Variants in SLC25A27 observed in about 807,000 individuals in gnomAD.
SLC25A27 encodes the protein solute carrier family 25 member 27.
A neutral mutation model predicts 49.1 loss-of-function variants in SLC25A27; 35 were observed. That is an observed-to-expected ratio of 0.71 (90% confidence interval 0.54 to 0.95). The LOEUF (loss-of-function observed/expected upper bound fraction) is 0.95. SLC25A27 is among the 40% of genes least tolerant of loss of function. The probability of loss-of-function intolerance (pLI) is 0.00; values close to 1 mark genes in which losing one functional copy is unlikely to be tolerated. For missense variants in SLC25A27, 339 were observed against 397.1 expected, an observed-to-expected ratio of 0.85 and a Z score of 1.24; for synonymous variants, 144 against 136.9, an observed-to-expected ratio of 1.05 and a Z score of -0.36.
chr6:46,658,506 G>T (rs1763060276), intron 2 of SLC25A27: 1 of 449,426 alleles, frequency 2.2e-6, no homozygotes, highest in Admixed American at 2.4e-5. Context: ...TTTATTTAAT[G>T]AAAATGCCTG....
chr6:46,656,431 T>G (rs1246498166), intron 2 of SLC25A27, among the ~76,000 whole-genome samples: 1 of 151,904 alleles, frequency 6.6e-6, no homozygotes, highest in Non-Finnish European at 1.5e-5. Flanking sequence ...CTGCAACCTT[T>G]GTCTCCCGAG....
At chr6:46,655,697 A>G in intron 1 of SLC25A27, 146 bp from the exon 2 acceptor site, 1 of 686,924 alleles carries the variant, frequency 1.5e-6, no homozygotes, top group Non-Finnish European at 2.4e-6. Context: ...GGAAATTTCT[A>G]ATTTTTAAAA....
chr6:46,671,914 G>A (rs752179772), intron 8 of SLC25A27, among the ~76,000 whole-genome samples: 7 of 151,574 alleles, frequency 4.6e-5, no homozygotes, highest in Non-Finnish European at 7.4e-5. Flanking sequence ...TATAGGTTTA[G>A]AAATTCAAGC....
chr6:46,674,843 TAATC>T (rs1763704618), intron 8 of SLC25A27, among the ~76,000 whole-genome samples: 1 of 152,146 alleles, frequency 6.6e-6, no homozygotes, highest in Non-Finnish European at 1.5e-5. Flanking sequence ...TTTGTAAACT[TAATC>T]AACCCAAGAG....
At position 46,655,535 on chromosome 6, in the gene SLC25A27, G is replaced by GTTTTTTTTTTTTTTTTTTTTTTTTTTT. The variant is rs773585919; in HGVS notation, c.107-296_107-270dup. On this transcript the variant is annotated intron_variant, in intron 1 of 8. Coordinates refer to ENST00000371347, the MANE Select transcript of SLC25A27 (RefSeq NM_004277.5). ...ATTTTAATTTTTATTGTTAATGTTT[G>GTTTTTTTTTTTTTTTTTTTTTTTTTTT]TTTTTTTTTTTTTTTTTTTTTTTTT... Among the ~76,000 whole-genome samples, 16 of 10,730 alleles carry GTTTTTTTTTTTTTTTTTTTTTTTTTTT rather than the reference G, an allele frequency of 1.5e-3. 2 individuals are homozygous for GTTTTTTTTTTTTTTTTTTTTTTTTTTT. Among genetic ancestry groups the GTTTTTTTTTTTTTTTTTTTTTTTTTTT allele is most frequent in the East Asian group, 3.9e-3 (1 of 254 alleles). The allele number at this position is 10,730 out of a possible 152,430, so 7.0% of individuals were successfully genotyped here.
Position 46,653,306 on chromosome 6 carries a change from G to A in SLC25A27, c.106+8G>A, listed in dbSNP as rs1445745968. The A allele has an allele frequency of 6.2e-7, 1 of 1,609,114 alleles. No individual in the cohort carries two copies. Among genetic ancestry groups the A allele is most frequent in the Non-Finnish European group, 8.5e-7 (1 of 1,178,182 alleles). On this transcript the variant is annotated splice_region_variant and intron_variant, in intron 1 of 8. Coordinates refer to ENST00000371347, the MANE Select transcript of SLC25A27 (RefSeq NM_004277.5). The stretch of plus-strand genomic sequence containing the variant: ...CTACCGTGGCCGAGCTAGGTACCCG[G>A]CTGCCCACGCCTGGGCCTCCCGGGC...
intron 1 of SLC25A27, 121 bp downstream of exon 1, chr6:46,653,419 C>A: frequency 1.4e-6 from 2 of 1,435,552 alleles, no homozygotes; most frequent in East Asian, 5.2e-5. Context: ...TCCATGCCCG[C>A]CTGGCAGAGG....
rs1472661575 is a variant in SLC25A27 at position 46,670,160 on chromosome 6, A to C, written c.730A>C (p.Ile244Leu). The change falls in exon 7 of 9, where the codon ATT (isoleucine) becomes CTT (leucine). Residue 244 changes from isoleucine (I) to leucine (L), a missense_variant. Ile to Leu is a conservative substitution (Grantham distance 5). Coordinates refer to ENST00000371347, the MANE Select transcript of SLC25A27 (RefSeq NM_004277.5). ...SSLCSGLVAS[I>L]LGTPADVIKS... is the part of the protein sequence containing the mutation. ...TTTATGTTCTGGACTGGTAGCTTCTATTCTGGGAACACCAGCCGATGTCAT... is the reference window on the plus strand; with the variant it reads ...TTTATGTTCTGGACTGGTAGCTTCTCTTCTGGGAACACCAGCCGATGTCAT... 6.2e-7 allele frequency: 1 copy of C among 1,612,588 alleles called. No individual in the cohort carries two copies. Among genetic ancestry groups the C allele is most frequent in the Non-Finnish European group, 8.5e-7 (1 of 1,179,244 alleles).
chr6:46,672,083 A>G (rs1763571214), intron 8 of SLC25A27, among the ~76,000 whole-genome samples: 1 of 152,206 alleles, frequency 6.6e-6, no homozygotes, highest in Non-Finnish European at 1.5e-5. Context: ...AGAGTGCATA[A>G]TGCTATGGAA....
intron 8 of SLC25A27, among the ~76,000 whole-genome samples, chr6:46,673,227 C>T (rs935074888): frequency 5.9e-5 from 9 of 152,210 alleles, no homozygotes; most frequent in Non-Finnish European, 1.2e-4. Context: ...ATGGCCAACA[C>T]TGTGCTAATC....
At chr6:46,674,468 T>A (rs901237969) in intron 8 of SLC25A27, among the ~76,000 whole-genome samples, 3 of 152,124 alleles carry the variant, frequency 2.0e-5, no homozygotes, top group African/African-American at 7.2e-5. Context: ...GTTTTAAAAT[T>A]GAAGAGACAT....
intron 4 of SLC25A27, among the ~76,000 whole-genome samples, chr6:46,663,410 T>A (rs1763227979): frequency 6.6e-6 from 1 of 152,150 alleles, no homozygotes; most frequent in Non-Finnish European, 1.5e-5. Context: ...CAGGGTCCCC[T>A]TCAGCCTTCA....
In SLC25A27 at chr6:46,655,941, A is replaced by C. The variant is rs976497363; in HGVS notation, c.205A>C (p.Arg69=). The C allele has an allele frequency of 2.5e-6, 4 of 1,613,914 alleles. No individual in the cohort carries two copies. The highest frequency in any genetic ancestry group is 4.5e-5 in the East Asian group (2 of 44,842). The change falls in exon 2 of 9, where the codon AGG becomes CGG. Residue 69 remains arginine, a synonymous_variant. Transcript: ENST00000371347. The part of the protein sequence containing the change: ...GDGARESAPY[R]GMVRTALGII... ...CGGTGCAAGAGAATCTGCCCCCTAT[A>C]GGGGAATGGTGCGCACAGCTCTAGG...
chr6:46,660,860 C>T (rs1003094897), intron 3 of SLC25A27, among the ~76,000 whole-genome samples: 8 of 152,100 alleles, frequency 5.3e-5, no homozygotes, highest in Non-Finnish European at 7.4e-5. Flanking sequence ...ATAGTCCTTG[C>T]GTTTTGGAAT....
intron 6 of SLC25A27, among the ~76,000 whole-genome samples, chr6:46,669,691 C>T (rs1397824900): frequency 6.6e-6 from 1 of 152,150 alleles, no homozygotes; most frequent in African/African-American, 2.4e-5. Context: ...TCCTTCAGGT[C>T]TTCATATACA....
chr6:46,676,515 G>A lies in SLC25A27; in HGVS notation c.*61G>A. ...CAGTATTATTGAAATATGGGCATCT[G>A]CAACACATACCCCCTATTATTTCTA... On this transcript the variant is annotated 3_prime_UTR_variant, in exon 9 of 9. Coordinates refer to ENST00000371347, the MANE Select transcript of SLC25A27 (RefSeq NM_004277.5). 1 of 1,611,602 alleles carries A rather than the reference G, an allele frequency of 6.2e-7. No homozygotes were observed. The highest frequency in any genetic ancestry group is 8.5e-7 in the Non-Finnish European group (1 of 1,178,348).
rs182067544 is a variant in SLC25A27 at position 46,670,750 on chromosome 6, T to A, written c.798-376T>A. Among the ~76,000 whole-genome samples, 147 of 152,298 alleles carry A rather than the reference T, an allele frequency of 9.7e-4. 1 individual carries two copies. The highest frequency in any genetic ancestry group is 3.4e-3 in the Middle Eastern group (1 of 294). On this transcript the variant is annotated intron_variant, in intron 7 of 8. Coordinates refer to ENST00000371347, the MANE Select transcript of SLC25A27 (RefSeq NM_004277.5). ...AGAAATTTTATTTATTTATTTATTTTTTTTGAGACAGAGTCTCACTCTGTC... is the reference window on the plus strand; with the variant it reads ...AGAAATTTTATTTATTTATTTATTTATTTTGAGACAGAGTCTCACTCTGTC...
intron 2 of SLC25A27, among the ~76,000 whole-genome samples, chr6:46,656,799 C>T (rs945988943): frequency 3.3e-5 from 5 of 152,146 alleles, no homozygotes; most frequent in Non-Finnish European, 7.3e-5. Context: ...TTTTTAGAAA[C>T]GCATACTCAC....
In SLC25A27 at chr6:46,660,491, T is replaced by C. The variant is rs547824977; in HGVS notation, c.383+1445T>C. On this transcript the variant is annotated intron_variant, in intron 3 of 8. Transcript: ENST00000371347. ...TGTAACCCCTTTGTGATTATAATCATTTATAAATGCTTCTACATATGCATT... is the reference window on the plus strand; with the variant it reads ...TGTAACCCCTTTGTGATTATAATCACTTATAAATGCTTCTACATATGCATT... 1.3e-5 allele frequency among the ~76,000 whole-genome samples: 2 copies of C among 152,322 alleles called. 1 individual carries two copies. Among genetic ancestry groups the C allele is most frequent in the South Asian group, 4.1e-4 (2 of 4,822 alleles).
Sources: gnomAD v4.1 joint callset for allele counts (sites outside exome capture counted in the v4.1 genomes callset) on GRCh38, gnomAD v4.1.1 for gene constraint, MANE v1.5 for transcripts, NCBI Gene and HGNC (gene_info 2026-07-23, HGNC 2026-07-21) for gene names.